The following RUBCN variants were observed in gnomAD, a reference collection of about 807,000 sequenced individuals.
RUBCN encodes run domain Beclin-1-interacting and cysteine-rich domain-containing protein.
In RUBCN, 74 loss-of-function variants were observed where a neutral mutation model predicts 113.2. That is an observed-to-expected ratio of 0.65 (90% CI 0.54 to 0.79). RUBCN has a LOEUF of 0.79. Ranked by LOEUF, RUBCN falls within the 30% of genes least tolerant of loss-of-function variation. The pLI is 0.00. For missense variants in RUBCN, 1,109 were observed against 1,251.7 expected (o/e 0.89, Z 1.72); for synonymous variants, 480 against 490.0 (o/e 0.98, Z 0.27).
chr3:197,707,982 A>AT (rs1316756232), intron 2 of RUBCN, among the ~76,000 whole-genome samples: 2 of 152,200 alleles, frequency 1.3e-5, no homozygotes, highest in Admixed American at 1.3e-4. Context: ...AAAAATAATA[A>AT]TAATGCAAGT....
intron 2 of RUBCN, among the ~76,000 whole-genome samples, chr3:197,712,632 T>TGCA (rs1271492165): frequency 6.6e-6 from 1 of 152,200 alleles, no homozygotes; most frequent in East Asian, 1.9e-4. Context: ...CACTAGAGCC[T>TGCA]GCAGTTGCTA....
chr3:197,745,212 G>A (rs1728687059), intron 1 of RUBCN, among the ~76,000 whole-genome samples: 1 of 151,064 alleles, frequency 6.6e-6, no homozygotes, highest in Non-Finnish European at 1.5e-5. Context: ...TTGAACCCGG[G>A]AGGCGGAGGT....
intron 1 of RUBCN, among the ~76,000 whole-genome samples, chr3:197,722,479 A>G (rs1339049894): frequency 6.6e-6 from 1 of 151,880 alleles, no homozygotes; most frequent in Non-Finnish European, 1.5e-5. Context: ...TTCTGTCTGC[A>G]TGATCTGTCC....
rs1024545823 is a variant in RUBCN, at chr3:197,681,583, G to C, written c.2192-216C>G. Among the ~76,000 whole-genome samples the C allele has an allele frequency of 6.6e-6, 1 of 152,178 alleles. No homozygotes were observed. Among genetic ancestry groups the C allele is most frequent in the African/African-American group, 2.4e-5 (1 of 41,420 alleles). On this transcript the variant is annotated intron_variant, in intron 15 of 19. Transcript: ENST00000296343. The surrounding 1 kb of genome is among the most constrained non-coding windows in gnomAD (Gnocchi z 5.5). ...CCCTGAGGAAATAAAACCAGCTGGA[G>C]ATAGTAAGATCCCGCCTTACCAGCT...
chr3:197,715,203 C>T (rs757336605), intron 2 of RUBCN, among the ~76,000 whole-genome samples: 6 of 150,188 alleles, frequency 4.0e-5, no homozygotes, highest in Admixed American at 6.7e-5. Flanking sequence ...GCAGGAGAAT[C>T]GCTTGAACCC....
chr3:197,685,304 A>G (rs73891692), intron 11 of RUBCN, among the ~76,000 whole-genome samples: 23,399 of 152,112 alleles, frequency 0.15, 2,716 homozygotes, highest in African/African-American at 0.33. Context: ...CATGTCCTTC[A>G]CTGCCCAGTG....
chr3:197,726,947 T>C (rs1407870731), intron 1 of RUBCN, among the ~76,000 whole-genome samples: 1 of 149,654 alleles, frequency 6.7e-6, no homozygotes, highest in African/African-American at 2.5e-5. Context: ...TCTATTTTTT[T>C]TTTTTTTTTT....
chr3:197,728,876 G>A (rs1727061867), intron 1 of RUBCN, among the ~76,000 whole-genome samples: 1 of 152,218 alleles, frequency 6.6e-6, no homozygotes, highest in South Asian at 2.1e-4. Flanking sequence ...GTATTGCAGT[G>A]AGTGTAGAAA....
chr3:197,694,434 CGAAGGCG>C lies in RUBCN; in HGVS notation c.1618_1624del (p.Arg540GlyfsTer93). 6.2e-7 allele frequency: 1 copy of C among 1,614,172 alleles called. No homozygotes were observed. Among genetic ancestry groups the C allele is most frequent in the Non-Finnish European group, 8.5e-7 (1 of 1,180,038 alleles). On this transcript the variant is annotated frameshift_variant, in exon 10 of 20. Transcript: ENST00000296343. LOFTEE classifies it high-confidence loss of function. ...GTTCTTGGTGCGGATTTGCTGGCGC[CGAAGGCG>C]GATCTTCTGCTTCAGCTCCTGGATC...
intron 7 of RUBCN, chr3:197,699,320 G>T: frequency 1.1e-6 from 1 of 940,532 alleles, no homozygotes; most frequent in Non-Finnish European, 1.7e-6. Flanking sequence ...ATTTTACCCA[G>T]CAGAAGTGGG....
chr3:197,697,973 C>T (rs888874983), intron 7 of RUBCN, among the ~76,000 whole-genome samples: 3 of 152,170 alleles, frequency 2.0e-5, no homozygotes, highest in Non-Finnish European at 4.4e-5. Flanking sequence ...GGGCTCTGTT[C>T]CTTCCTACTG....
At position 197,736,739 on chromosome 3, in the gene RUBCN, TCTTCGCCCAAGAGAGGCGTCCCTGCCG is replaced by T. The variant is rs1435841518; in HGVS notation, c.-47_-21del. 1.1e-4 allele frequency: 174 copies of T among 1,528,728 alleles called. No homozygotes were observed. The East Asian group carries it at 4.0e-3, about 35-fold the overall frequency. The allele number at this position is 1,528,728 out of a possible 1,614,324, so 94.7% of individuals were successfully genotyped here. A position where few individuals can be genotyped will look rare whatever the true frequency, so the allele number is the denominator to read the frequency against. ...CCGCATCCGGGGCGGTGAGGCCGCC[TCTTCGCCCAAGAGAGGCGTCCCTGCCG>T]CTTCGCCCTTCAGGGCTCCCGGGGC... On this transcript the variant is annotated 5_prime_UTR_variant, in exon 1 of 20. Coordinates refer to ENST00000296343, the MANE Select transcript of RUBCN (RefSeq NM_014687.4).
At chr3:197,684,132 T>A (rs1320365496) in intron 12 of RUBCN, 25 bp downstream of exon 12, 1 of 1,575,828 alleles carries the variant, frequency 6.3e-7, no homozygotes, top group Admixed American at 1.7e-5. Context: ...TTCTTTTCTT[T>A]TTTTTGGTAA....
rs1294922684 is a variant in RUBCN, at chr3:197,707,856, C to A, written c.220-2681G>T. On this transcript the variant is annotated intron_variant, in intron 2 of 19. Transcript: ENST00000296343. ...GCACATGCCTGTAGTCCCAGCTACTCGGGAGGCTGAGGCAGGAGAATCACT... is the reference window on the plus strand; with the variant it reads ...GCACATGCCTGTAGTCCCAGCTACTAGGGAGGCTGAGGCAGGAGAATCACT... Among the ~76,000 whole-genome samples, 6 of 151,320 alleles carry A rather than the reference C, an allele frequency of 4.0e-5. No homozygotes were observed. The East Asian group carries it at 9.7e-4, about 25-fold the overall frequency.
intron 18 of RUBCN, 59 bp downstream of exon 18, chr3:197,676,826 C>T (rs191470662): frequency 3.1e-6 from 5 of 1,612,626 alleles, no homozygotes; most frequent in Non-Finnish European, 4.2e-6. Context: ...AGGTCCACCC[C>T]CCTCCCTGTA....
rs1721452788 is a variant in RUBCN, at chr3:197,683,212, C to A, written c.1980+95G>T. The stretch of plus-strand genomic sequence containing the variant: ...CTTCCACGAGTAAGGGGGGAACACC[C>A]AGGCTCATTCCAGACTAGGGACATG... On this transcript the variant is annotated intron_variant, in intron 13 of 19. Transcript: ENST00000296343. This position sits in a 1 kb window ranked among gnomAD's most constrained non-coding sequence, Gnocchi z 4.6. The A allele has an allele frequency of 2.7e-6, 4 of 1,488,544 alleles. No individual in the cohort carries two copies. The highest frequency in any genetic ancestry group is 3.8e-6 in the Non-Finnish European group (4 of 1,065,972). 92.2% of individuals were successfully genotyped at this position (1,488,544 alleles called of 1,614,324 possible). A position where few individuals can be genotyped will look rare whatever the true frequency, so the allele number is the denominator to read the frequency against.
intron 2 of RUBCN, among the ~76,000 whole-genome samples, chr3:197,707,260 A>G (rs1324993846): frequency 6.6e-6 from 1 of 152,032 alleles, no homozygotes; most frequent in Non-Finnish European, 1.5e-5. Flanking sequence ...TGAACCCGGG[A>G]GGCAGAGCTT....
Position 197,736,679 on chromosome 3 carries a change from T to C in RUBCN, c.41A>G (p.Glu14Gly). ...CCTGCTCTCCTCAGGCAGGCGCTCC[T>C]CGCCGCCTCCGAGCTCCATTCCCGC... ...EGAGMELGGG[E>G]ERLPEESRRE... Residue 14 changes from glutamate (E) to glycine (G), a missense_variant, in exon 1 of 20, where the codon GAG becomes GGG. This residue lies in a region of RUBCN where 736 missense variants were observed against 779.6 expected (regional missense o/e 0.94). Transcript: ENST00000296343. 6 of 1,532,104 alleles carry C rather than the reference T, an allele frequency of 3.9e-6. No homozygotes were observed. The highest frequency in any genetic ancestry group is 5.2e-6 in the Non-Finnish European group (6 of 1,146,028). The allele number at this position is 1,532,104 out of a possible 1,614,324, so 94.9% of individuals were successfully genotyped here. A position where few individuals can be genotyped will look rare whatever the true frequency, so the allele number is the denominator to read the frequency against.
Position 197,711,407 on chromosome 3 carries a change from C to T in RUBCN, c.220-6232G>A, listed in dbSNP as rs998870673. On this transcript the variant is annotated intron_variant, in intron 2 of 19. Coordinates refer to ENST00000296343, the MANE Select transcript of RUBCN (RefSeq NM_014687.4). ...GAAGAAGCTCTCTATGTAATGATTTCGGATGAATTACAAAACATATTAAGT... is the reference window on the plus strand; with the variant it reads ...GAAGAAGCTCTCTATGTAATGATTTTGGATGAATTACAAAACATATTAAGT... Among the ~76,000 whole-genome samples, 116 of 152,184 alleles carry T rather than the reference C, an allele frequency of 7.6e-4. 1 individual carries two copies. The highest frequency in any genetic ancestry group is 2.2e-3 in the African/African-American group (90 of 41,488).
Sources: allele counts gnomAD v4.1 joint callset (sites outside exome capture counted in the v4.1 genomes callset), GRCh38; gene constraint gnomAD v4.1.1; regional missense constraint gnomAD v4.1.1; non-coding constraint Gnocchi (gnomAD v3.1); transcripts MANE v1.5; gene names NCBI Gene and HGNC (gene_info 2026-07-23, HGNC 2026-07-21).